Variants in SOD2 observed in about 807,000 individuals in gnomAD.
The protein encoded by SOD2 is superoxide dismutase [Mn], mitochondrial.
A neutral mutation model predicts 27.0 loss-of-function variants in SOD2; 11 were observed. That is an observed-to-expected ratio of 0.41 (90% CI 0.26 to 0.67). The LOEUF (loss-of-function observed/expected upper bound fraction) is 0.67. Among genes scored for constraint, SOD2 ranks in the 30% least tolerant of loss-of-function variants. The pLI is 0.34. For missense variants in SOD2, 250 were observed against 274.5 expected, an observed-to-expected ratio of 0.91 and a Z score of 0.63; for synonymous variants, 105 against 103.0, an observed-to-expected ratio of 1.02 and a Z score of -0.12.
intron 1 of SOD2, among the ~76,000 whole-genome samples, chr6:159,719,735 T>A (rs1308743025): frequency 6.6e-6 from 1 of 150,872 alleles, no homozygotes; most frequent in African/African-American, 2.4e-5. Context: ...TATTTTCTTT[T>A]TTTTTTTTGA....
chr6:159,721,917 T>C (rs1778049680), intron 1 of SOD2, among the ~76,000 whole-genome samples: 1 of 152,160 alleles, frequency 6.6e-6, no homozygotes, highest in Non-Finnish European at 1.5e-5. Context: ...TTGAAGTCCA[T>C]TGATAGTCCT....
chr6:159,726,843 A>G, intron 1 of SOD2: 1 of 1,289,196 alleles, frequency 7.8e-7, no homozygotes, highest in Non-Finnish European at 1.0e-6. Context: ...CTAAGTTCTC[A>G]AAACTTACAG....
At chr6:159,713,807 T>G in intron 1 of SOD2, 1 of 1,042,954 alleles carries the variant, frequency 9.6e-7, no homozygotes, top group Non-Finnish European at 1.5e-6. Flanking sequence ...ATCTGCAGAT[T>G]CAAGTTCAAC....
intron 1 of SOD2, chr6:159,760,513 C>G (rs1223328521): frequency 6.6e-6 from 1 of 152,150 alleles, no homozygotes; most frequent in African/African-American, 2.4e-5. Context: ...TCAAATGATC[C>G]GCCCTCCTCG....
rs563110162 is a variant in SOD2, at chr6:159,672,459, T to A, written c.*10034A>T. 6.6e-6 allele frequency: 1 copy of A among 152,240 alleles called. No individual in the cohort carries two copies. Among genetic ancestry groups the A allele is most frequent in the South Asian group, 2.1e-4 (1 of 4,816 alleles). 9.4% of individuals were successfully genotyped at this position (152,240 alleles called of 1,614,324 possible). ...TATTCAACGTTCTTGAAGAAAAGAA[T>A]TTTCAACCCAGAATTTCATATCCAG... On this transcript the variant is annotated 3_prime_UTR_variant, in exon 5 of 5. Transcript: ENST00000538183.
At chr6:159,720,212 T>C (rs1163270607) in intron 1 of SOD2, among the ~76,000 whole-genome samples, 1 of 151,666 alleles carries the variant, frequency 6.6e-6, no homozygotes, top group African/African-American at 2.4e-5. Flanking sequence ...TTTGTGTATA[T>C]ATAAATATAT....
chr6:159,711,620 AG>A (rs1777771588), intron 1 of SOD2, among the ~76,000 whole-genome samples: 1 of 92,480 alleles, frequency 1.1e-5, no homozygotes, highest in Non-Finnish European at 2.4e-5. Flanking sequence ...ACCACCACTC[AG>A]CTGCTCTGAC....
rs951703255 is a variant in SOD2, at chr6:159,679,471, G to C, written c.*3022C>G. 6.6e-6 allele frequency: 1 copy of C among 152,124 alleles called. No individual in the cohort carries two copies. The highest frequency in any genetic ancestry group is 2.4e-5 in the African/African-American group (1 of 41,424). 9.4% of individuals were successfully genotyped at this position (152,124 alleles called of 1,614,324 possible). On this transcript the variant is annotated 3_prime_UTR_variant, in exon 5 of 5. Transcript: ENST00000538183. ...GGTTTGGTATTACTTTTTTAAAGGC[G>C]CTCAATAGAAATTCAAATCTCACTT...
chr6:159,705,533 CA>C (rs1777609242), intron 1 of SOD2, among the ~76,000 whole-genome samples: 1 of 151,878 alleles, frequency 6.6e-6, no homozygotes, highest in Admixed American at 6.6e-5. Flanking sequence ...GATTGAAGAT[CA>C]AATGAATGAA....
intron 3 of SOD2, 63 bp from the exon 4 acceptor site, chr6:159,685,096 G>T: frequency 8.3e-7 from 1 of 1,208,142 alleles, no homozygotes. Flanking sequence ...ACAGTAAAAT[G>T]TTATATTACA....
At chr6:159,727,017 C>A (rs1778207548) in intron 1 of SOD2, 2 of 1,242,504 alleles carry the variant, frequency 1.6e-6, no homozygotes, top group Admixed American at 5.4e-5. Flanking sequence ...CACGAGGCAG[C>A]CCCGCAGCCG....
chr6:159,703,039 G>T (rs1371792664), intron 1 of SOD2, among the ~76,000 whole-genome samples: 1 of 152,040 alleles, frequency 6.6e-6, no homozygotes, highest in African/African-American at 2.4e-5. Context: ...TTCCGGCCAG[G>T]CATGGTGGCT....
intron 3 of SOD2, among the ~76,000 whole-genome samples, chr6:159,687,341 C>T (rs936159112): frequency 4.6e-5 from 7 of 152,010 alleles, no homozygotes; most frequent in Non-Finnish European, 7.4e-5. Flanking sequence ...AAAAATTAGC[C>T]GGGAGTGATG....
chr6:159,718,825 G>C (rs1279007916), intron 1 of SOD2, among the ~76,000 whole-genome samples: 1 of 152,176 alleles, frequency 6.6e-6, no homozygotes, highest in Non-Finnish European at 1.5e-5. Flanking sequence ...TAGAAGAGTA[G>C]AAAGAGCATT....
chr6:159,748,655 T>C, upstream of SOD2: 1 of 1,265,320 alleles, frequency 7.9e-7, no homozygotes, highest in Non-Finnish European at 9.9e-7. This position sits in a 1 kb window ranked among gnomAD's most constrained non-coding sequence, Gnocchi z 5.6. Flanking sequence ...TTCTAGAACA[T>C]GTAGACACTT....
intron 3 of SOD2, among the ~76,000 whole-genome samples, chr6:159,687,601 T>C (rs540117810): frequency 1.3e-5 from 2 of 152,302 alleles, no homozygotes; most frequent in South Asian, 4.1e-4. Flanking sequence ...TAAAATCTTA[T>C]GACATAACCC....
rs1275171510 is a variant in SOD2 at position 159,675,509 on chromosome 6, A to G, written c.*6984T>C. ...ACAAGAAATGGGGAAAGGATTCCCTATTTAATAAATGGTGCTGGGAAAACT... is the reference window on the plus strand; with the variant it reads ...ACAAGAAATGGGGAAAGGATTCCCTGTTTAATAAATGGTGCTGGGAAAACT... On this transcript the variant is annotated 3_prime_UTR_variant, in exon 5 of 5. Transcript: ENST00000538183. The G allele has an allele frequency of 6.6e-6, 1 of 152,252 alleles. No homozygotes were observed. The highest frequency in any genetic ancestry group is 1.5e-5 in the Non-Finnish European group (1 of 68,042). 9.4% of individuals were successfully genotyped at this position (152,252 alleles called of 1,614,324 possible).
rs1482776702 is a variant in SOD2 at position 159,669,180 on chromosome 6, T to C, written c.*13313A>G. On this transcript the variant is annotated 3_prime_UTR_variant, in exon 5 of 5. Coordinates refer to ENST00000538183, the MANE Select transcript of SOD2 (RefSeq NM_000636.4). ...AAAAGGCGTTCTGTCGGAATTATCATGCACTGTGGTGGAAAGAACACTAAG... is the reference window on the plus strand; with the variant it reads ...AAAAGGCGTTCTGTCGGAATTATCACGCACTGTGGTGGAAAGAACACTAAG... 1 of 152,200 alleles carries C rather than the reference T, an allele frequency of 6.6e-6. No individual in the cohort carries two copies. Among genetic ancestry groups the C allele is most frequent in the Admixed American group, 6.5e-5 (1 of 15,280 alleles). 9.4% of individuals were successfully genotyped at this position (152,200 alleles called of 1,614,324 possible).
intron 1 of SOD2, among the ~76,000 whole-genome samples, chr6:159,752,659 T>TA (rs111964741): frequency 2.5e-4 from 38 of 149,388 alleles, no homozygotes; most frequent in Middle Eastern, 3.4e-3. Flanking sequence ...CTTAAGTCTT[T>TA]AAAAAAAAAA....
Sources: allele counts gnomAD v4.1 joint callset (sites outside exome capture counted in the v4.1 genomes callset), GRCh38; gene constraint gnomAD v4.1.1; non-coding constraint Gnocchi (gnomAD v3.1); transcripts MANE v1.5; gene names NCBI Gene and HGNC (gene_info 2026-07-23, HGNC 2026-07-21).